STAU2: variants seen among roughly 807,000 people sequenced by gnomAD.
STAU2 encodes staufen double-stranded RNA binding protein 2.
A neutral mutation model predicts 65.9 loss-of-function variants in STAU2; 20 were observed. The observed-to-expected ratio is 0.30, with a 90% CI of 0.21 to 0.44. STAU2 has a LOEUF of 0.44. Ranked by LOEUF, STAU2 falls within the 20% of genes least tolerant of loss-of-function variation. STAU2 has a pLI of 1.00. For synonymous variants in STAU2, 232 were observed against 233.9 expected (o/e 0.99, Z 0.07); for missense variants, 558 against 683.9 (o/e 0.82, Z 2.05).
chr8:73,607,737 CAAA>C, intron 9 of STAU2, among the ~76,000 whole-genome samples: 1 of 64,754 alleles, frequency 1.5e-5, no homozygotes, highest in African/African-American at 5.1e-5. Context: ...AACTCCGTCT[CAAA>C]AAAAAAAAAA....
chr8:73,530,989 G>A (rs1805771085), intron 13 of STAU2, among the ~76,000 whole-genome samples: 1 of 152,186 alleles, frequency 6.6e-6, no homozygotes, highest in Non-Finnish European at 1.5e-5. Context: ...GAGGCCACCA[G>A]GAGTGGATGA....
intron 4 of STAU2, among the ~76,000 whole-genome samples, chr8:73,707,936 A>C (rs1260834765): frequency 1.3e-5 from 2 of 152,210 alleles, no homozygotes; most frequent in African/African-American, 4.8e-5. Flanking sequence ...CAAGGCAGAA[A>C]GACACTACAA....
chr8:73,446,016 A>C (rs996821700), intron 13 of STAU2, among the ~76,000 whole-genome samples: 11 of 152,238 alleles, frequency 7.2e-5, no homozygotes, highest in African/African-American at 2.7e-4. Context: ...TCCATAAAAA[A>C]ACCTGTACAC....
intron 13 of STAU2, 79 bp from the exon 14 acceptor site, chr8:73,422,781 G>GAAAGACAGA (rs1816479661): frequency 5.8e-6 from 6 of 1,031,980 alleles, no homozygotes; most frequent in Non-Finnish European, 7.9e-6. Context: ...AGCTGAGATA[G>GAAAGACAGA]AAAGACTCAT....
chr8:73,706,331 G>A (rs186130976), intron 4 of STAU2, among the ~76,000 whole-genome samples: 5 of 152,124 alleles, frequency 3.3e-5, no homozygotes, highest in Non-Finnish European at 7.4e-5. Flanking sequence ...TGGCCAGGCT[G>A]TTCTCAAACT....
At chr8:73,717,269 A>C (rs925313545) in intron 3 of STAU2, among the ~76,000 whole-genome samples, 15 of 152,138 alleles carry the variant, frequency 9.9e-5, no homozygotes, top group Admixed American at 1.3e-4. Flanking sequence ...TCTTTTAAAG[A>C]GCAGATTTTA....
chr8:73,519,959 CT>C (rs1822953969), intron 13 of STAU2, among the ~76,000 whole-genome samples: 1 of 152,154 alleles, frequency 6.6e-6, no homozygotes. Context: ...TTAACTCTCT[CT>C]TGGTTTGGGG....
chr8:73,704,086 C>G (rs1038071689), intron 4 of STAU2, among the ~76,000 whole-genome samples: 4 of 152,118 alleles, frequency 2.6e-5, no homozygotes, highest in Non-Finnish European at 5.9e-5. Flanking sequence ...TTTCATCATG[C>G]CTGAAAATTA....
At chr8:73,705,554 C>A (rs995216193) in intron 4 of STAU2, among the ~76,000 whole-genome samples, 1 of 152,068 alleles carries the variant, frequency 6.6e-6, no homozygotes, top group African/African-American at 2.4e-5. Flanking sequence ...AGCCTTCTTT[C>A]GAGATTTGAG....
At chr8:73,581,975 T>A (rs1810020976) in intron 12 of STAU2, among the ~76,000 whole-genome samples, 1 of 152,162 alleles carries the variant, frequency 6.6e-6, no homozygotes, top group Non-Finnish European at 1.5e-5. Flanking sequence ...GGGTTGGAAA[T>A]GGGATAGACT....
At chr8:73,595,080 T>C (rs1811085872) in intron 11 of STAU2, 86 bp downstream of exon 11, 1 of 1,185,258 alleles carries the variant, frequency 8.4e-7, no homozygotes, top group Non-Finnish European at 1.1e-6. Context: ...AATTGACATT[T>C]ACTTTAATAT....
chr8:73,643,607 T>G (rs1026328539), intron 6 of STAU2, among the ~76,000 whole-genome samples: 41 of 152,162 alleles, frequency 2.7e-4, no homozygotes, highest in South Asian at 6.2e-4. Flanking sequence ...GGAGGTCCAG[T>G]GAGCCCATCA....
chr8:73,607,513 T>A (rs1364401184), intron 9 of STAU2, among the ~76,000 whole-genome samples: 1 of 151,940 alleles, frequency 6.6e-6, no homozygotes, highest in East Asian at 1.9e-4. Flanking sequence ...GCAGATCACC[T>A]GAGGTCGGGA....
chr8:73,708,883 C>T (rs969917133), intron 4 of STAU2, 149 bp downstream of exon 4: 21 of 632,830 alleles, frequency 3.3e-5, no homozygotes, highest in African/African-American at 2.4e-4. Flanking sequence ...AGTTTAGTTA[C>T]ATACTTTGAA....
intron 6 of STAU2, among the ~76,000 whole-genome samples, chr8:73,655,447 T>C (rs954014139): frequency 6.6e-6 from 1 of 152,044 alleles, no homozygotes; most frequent in South Asian, 2.1e-4. Context: ...CTCCATTTCA[T>C]CCTAATTTCA....
At chr8:73,603,945 C>T (rs1404641694) in intron 9 of STAU2, 82 bp from the exon 10 acceptor site, 1 of 1,416,982 alleles carries the variant, frequency 7.1e-7, no homozygotes, top group African/African-American at 1.5e-5. Context: ...TGCTTCTTCC[C>T]TCCACCCCCA....
chr8:73,551,113 G>A (rs1166947175), intron 13 of STAU2: 1 of 987,390 alleles, frequency 1.0e-6, no homozygotes, highest in African/African-American at 1.7e-5. Flanking sequence ...AGTCAAGTTA[G>A]CGGTTACAGT....
intron 4 of STAU2, among the ~76,000 whole-genome samples, chr8:73,695,405 G>A: frequency 7.6e-6 from 1 of 131,366 alleles, no homozygotes; most frequent in African/African-American, 2.8e-5. Context: ...CTCAATCCTG[G>A]CAGGATTCAT....
At chr8:73,561,473 C>A (rs969997098) in intron 12 of STAU2, 2 of 449,768 alleles carry the variant, frequency 4.4e-6, no homozygotes, top group South Asian at 3.2e-5. Flanking sequence ...AAATGTTGCT[C>A]GTAAAATAAA....
Sources: gnomAD v4.1 joint callset for allele counts (sites outside exome capture counted in the v4.1 genomes callset) on GRCh38, gnomAD v4.1.1 for gene constraint, MANE v1.5 for transcripts, NCBI Gene and HGNC (gene_info 2026-07-23, HGNC 2026-07-21) for gene names.